The following ABCA1 variants were observed in gnomAD, a reference collection of about 807,000 sequenced individuals.
The protein encoded by ABCA1 is ATP binding cassette subfamily A member 1, also known as phospholipid-transporting ATPase ABCA1.
Under a neutral mutation model 262.5 loss-of-function variants are expected in ABCA1, and 133 were observed. The ratio of observed to expected loss-of-function variants is 0.51; its 90% CI spans 0.44 to 0.59. The LOEUF (loss-of-function observed/expected upper bound fraction) is 0.59, where lower values mean the gene tolerates loss of function less well. Among genes scored for constraint, ABCA1 ranks in the 20% least tolerant of loss-of-function variants. The pLI is 0.00. For missense variants in ABCA1, 2,452 were observed against 2,777.5 expected (o/e 0.88, Z 2.63); for synonymous variants, 1,022 against 1,043.5 (o/e 0.98, Z 0.40).
At chr9:104,923,521 A>G (rs1842261514) in intron 1 of ABCA1, among the ~76,000 whole-genome samples, 1 of 152,240 alleles carries the variant, frequency 6.6e-6, no homozygotes, top group South Asian at 2.1e-4. Flanking sequence ...CAGGCTGTAG[A>G]TTCTGATAAG....
At position 104,820,024 on chromosome 9, in the gene ABCA1, C is replaced by A. The variant is rs762458817; in HGVS notation, c.3006G>T (p.Gly1002=). The A allele has an allele frequency of 6.2e-7, 1 of 1,614,088 alleles. No homozygotes were observed. The highest frequency in any genetic ancestry group is 1.7e-5 in the Admixed American group (1 of 60,024). ...EHIWFYARLK[G]LSEKHVKAEM... Reference sequence around the variant, plus strand: ...CCGCCTTCACGTGCTTCTCAGAGAGCCCTTTCAAGCGGGCATAGAACCAGA... The same window carrying A: ...CCGCCTTCACGTGCTTCTCAGAGAGACCTTTCAAGCGGGCATAGAACCAGA... Residue 1002 remains glycine (G), a synonymous_variant, in exon 21 of 50, where the codon GGG becomes GGT. Transcript: ENST00000374736.
chr9:104,916,556 T>C (rs1472364256), intron 1 of ABCA1, among the ~76,000 whole-genome samples: 1 of 152,208 alleles, frequency 6.6e-6, no homozygotes, highest in Non-Finnish European at 1.5e-5. Flanking sequence ...TAAATTCTGG[T>C]ATAGTATGAA....
At position 104,810,796 on chromosome 9, in the gene ABCA1, A is replaced by T. The variant is rs753735723; in HGVS notation, c.4175+4T>A. On this transcript the variant is annotated splice_donor_region_variant and intron_variant, in intron 29 of 49. Coordinates refer to ENST00000374736, the MANE Select transcript of ABCA1 (RefSeq NM_005502.4). Reference sequence around the variant, plus strand: ...CCCTCCTGGGATGTAGAAGACAAACATACCTGACAAATGTGTACTGTTCGT... The same window carrying T: ...CCCTCCTGGGATGTAGAAGACAAACTTACCTGACAAATGTGTACTGTTCGT... 1 of 1,614,240 alleles carries T rather than the reference A, an allele frequency of 6.2e-7. No individual in the cohort carries two copies. Among genetic ancestry groups the T allele is most frequent in the Non-Finnish European group, 8.5e-7 (1 of 1,180,030 alleles).
intron 43 of ABCA1, among the ~76,000 whole-genome samples, chr9:104,791,598 TG>T (rs1345398051): frequency 1.3e-5 from 2 of 152,176 alleles, no homozygotes; most frequent in Non-Finnish European, 2.9e-5. Flanking sequence ...AGCTAATTTT[TG>T]TATTTATAGT....
At chr9:104,801,749 G>C (rs917116430) in intron 34 of ABCA1, among the ~76,000 whole-genome samples, 1 of 152,070 alleles carries the variant, frequency 6.6e-6, no homozygotes, top group East Asian at 1.9e-4. Context: ...TTGTCATGTA[G>C]GCCAGGCTGG....
intron 13 of ABCA1, 111 bp downstream of exon 13, chr9:104,831,511 T>C: frequency 1.1e-6 from 1 of 903,328 alleles, no homozygotes; most frequent in Admixed American, 2.8e-5. Flanking sequence ...TTTTTTGTTG[T>C]TGTTGAAATT....
At chr9:104,890,494 T>A (rs887862107) in intron 2 of ABCA1, among the ~76,000 whole-genome samples, 2 of 151,928 alleles carry the variant, frequency 1.3e-5, no homozygotes, top group Non-Finnish European at 2.9e-5. Flanking sequence ...GGCAAGAGAA[T>A]CGCTTGAACC....
intron 1 of ABCA1, among the ~76,000 whole-genome samples, chr9:104,920,490 G>T (rs1842085203): frequency 6.6e-6 from 1 of 152,068 alleles, no homozygotes; most frequent in Admixed American, 6.6e-5. Flanking sequence ...AAGACAATTT[G>T]ATGTGGAAGT....
At chr9:104,799,500 G>A in intron 36 of ABCA1, 3 of 982,820 alleles carry the variant, frequency 3.1e-6, no homozygotes, top group Non-Finnish European at 3.6e-6. Context: ...TAAAACAGTG[G>A]TTTTTAAACA....
rs759294587 is a variant in ABCA1 at position 104,889,130 on chromosome 9, C to T, written c.132G>A (p.Leu44=). The T allele has an allele frequency of 1.2e-5, 20 of 1,614,142 alleles. No individual in the cohort carries two copies. The South Asian group carries it at 2.2e-4, about 18-fold the overall frequency. Residue 44 remains leucine (L), a synonymous_variant, in exon 3 of 50, where the codon CTG becomes CTA. Transcript: ENST00000374736. ...CATGTTGTTCATAGGGTGGGTAGCTCAGCCGAACAGAGATCAGGATCAGGA... is the reference window on the plus strand; with the variant it reads ...CATGTTGTTCATAGGGTGGGTAGCTTAGCCGAACAGAGATCAGGATCAGGA... ...FIFLILISVR[L]SYPPYEQHEC...
intron 5 of ABCA1, among the ~76,000 whole-genome samples, chr9:104,869,200 G>C (rs1837365784): frequency 6.6e-6 from 1 of 152,008 alleles, no homozygotes; most frequent in Non-Finnish European, 1.5e-5. Flanking sequence ...AAAGGAACCA[G>C]AGCAATCAGC....
intron 7 of ABCA1, among the ~76,000 whole-genome samples, chr9:104,858,171 C>G (rs1277494794): frequency 6.6e-6 from 1 of 151,660 alleles, no homozygotes; most frequent in Non-Finnish European, 1.5e-5. Context: ...TCAATGGTTT[C>G]AAGACTTTTT....
chr9:104,896,737 TTTTTTTTTTTTC>T (rs1840254612), intron 2 of ABCA1, among the ~76,000 whole-genome samples: 1 of 89,604 alleles, frequency 1.1e-5, no homozygotes, highest in Admixed American at 1.1e-4. Flanking sequence ...TTTTTTTTTT[TTTTTTTTTTTTC>T]AGACAGAGTT....
In ABCA1 at chr9:104,790,959, T is replaced by A. The variant is rs1829374275; in HGVS notation, c.5890A>T (p.Thr1964Ser). Reference protein sequence around the residue: ...STFKMLTGDTTVTRGDAFLNK... With the variant: ...STFKMLTGDTSVTRGDAFLNK... The stretch of plus-strand genomic sequence containing the variant: ...AGGAAAGCATCTCCTCTGGTAACAG[T>A]GGTATCTCCTGTTAACATCTTGAAA... The change falls in exon 44 of 50, where the codon ACT becomes TCT. Residue 1964 changes from threonine (T) to serine (S), a missense_variant. Physicochemically the swap from Thr to Ser is moderately conservative, Grantham distance 58. Around this residue, in one of 4 missense-constraint regions of ABCA1, gnomAD observed 752 missense variants for 944.5 expected, o/e 0.80. Transcript: ENST00000374736. 6.2e-7 allele frequency: 1 copy of A among 1,613,482 alleles called. No individual in the cohort carries two copies. Among genetic ancestry groups the A allele is most frequent in the African/African-American group, 1.3e-5 (1 of 74,918 alleles).
Position 104,903,653 on chromosome 9 carries a change from C to T in ABCA1, c.27G>A (p.Leu9=). The T allele has an allele frequency of 1.3e-6, 2 of 1,588,876 alleles. No homozygotes were observed. The highest frequency in any genetic ancestry group is 1.1e-5 in the South Asian group (1 of 87,370). Residue 9 remains leucine (L), a synonymous_variant, in exon 2 of 50, where the codon TTG becomes TTA. Coordinates refer to ENST00000374736, the MANE Select transcript of ABCA1 (RefSeq NM_005502.4). MACWPQLR[L]LLWKNLTFRR... is the part of the protein sequence containing the mutation. ...TGAAAGTGAGGTTCTTCCACAGCAG[C>T]AACCTCAGCTGAGGCCAACAAGCCA...
intron 47 of ABCA1, among the ~76,000 whole-genome samples, chr9:104,786,622 G>T (rs1208319724): frequency 1.3e-5 from 2 of 152,134 alleles, no homozygotes; most frequent in Non-Finnish European, 2.9e-5. Flanking sequence ...TATCCTAATG[G>T]AATACTATCC....
intron 4 of ABCA1, among the ~76,000 whole-genome samples, chr9:104,884,136 C>T (rs149726350): frequency 7.9e-5 from 12 of 152,306 alleles, no homozygotes; most frequent in Admixed American, 6.5e-4. Flanking sequence ...TTCAGATGCA[C>T]GTCTGCTGCA....
Position 104,793,407 on chromosome 9 carries a change from A to G in ABCA1, c.5507-107T>C. On this transcript the variant is annotated intron_variant, in intron 40 of 49. Transcript: ENST00000374736. ...TTAAAATTCACCGATCTTCCAATAA[A>G]CACAAATGGCTATCACCCATGACAA... 6.2e-6 allele frequency: 9 copies of G among 1,443,914 alleles called. No homozygotes were observed. In the South Asian group the frequency reaches 8.3e-5, roughly 13 times the overall value. The allele number at this position is 1,443,914 out of a possible 1,614,324, so 89.4% of individuals were successfully genotyped here.
At chr9:104,833,427 C>T (rs1041516315) in intron 11 of ABCA1, among the ~76,000 whole-genome samples, 9 of 152,186 alleles carry the variant, frequency 5.9e-5, no homozygotes, top group Admixed American at 4.6e-4. Context: ...AGTGATCCTC[C>T]CACCTCAACC....
Sources: allele counts gnomAD v4.1 joint callset (sites outside exome capture counted in the v4.1 genomes callset), GRCh38; gene constraint gnomAD v4.1.1; regional missense constraint gnomAD v4.1.1; transcripts MANE v1.5; gene names NCBI Gene and HGNC (gene_info 2026-07-23, HGNC 2026-07-21).